DNAJC6: variants seen among roughly 807,000 people sequenced by gnomAD.
DNAJC6 encodes auxilin.
Under a neutral mutation model 110.0 loss-of-function variants are expected in DNAJC6, and 34 were observed. That is an observed-to-expected ratio of 0.31 (90% CI 0.24 to 0.41). The LOEUF is 0.41. Ranked by LOEUF, DNAJC6 falls within the 10% of genes least tolerant of loss-of-function variation. The probability of loss-of-function intolerance (pLI) is 1.00; values close to 1 mark genes in which losing one functional copy is unlikely to be tolerated. For missense variants in DNAJC6, 1,031 were observed against 1,207.8 expected, an observed-to-expected ratio of 0.85 and a Z score of 2.17; for synonymous variants, 406 against 437.2, an observed-to-expected ratio of 0.93 and a Z score of 0.89.
intron 11 of DNAJC6, 36 bp from the exon 12 acceptor site, chr1:65,392,395 G>T: frequency 7.9e-6 from 12 of 1,520,666 alleles, no homozygotes; most frequent in Non-Finnish European, 1.1e-5. Flanking sequence ...GCTGTGGTCA[G>T]CAACTAATCT....
chr1:65,318,160 T>C (rs764919684), intron 1 of DNAJC6, among the ~76,000 whole-genome samples: 2 of 152,126 alleles, frequency 1.3e-5, no homozygotes, highest in East Asian at 1.9e-4. Flanking sequence ...GGCTGACTTA[T>C]CTACTAGGCA....
At position 65,366,166 on chromosome 1, in the gene DNAJC6, G is replaced by A. The variant is rs148204207; in HGVS notation, c.513G>A (p.Lys171=). The A allele has an allele frequency of 1.7e-4, 277 of 1,613,608 alleles. No homozygotes were observed. In the African/African-American group the frequency reaches 3.4e-3, roughly 20 times the overall value. The change falls in exon 4 of 19, where the codon AAG becomes AAA. Residue 171 remains lysine, a synonymous_variant. Coordinates refer to ENST00000371069, the MANE Select transcript of DNAJC6 (RefSeq NM_001256864.2). ...DHYTVYNLSP[K]SYRTAKFHSR... ...ACACAGTATACAATCTGTCACCTAA[G>A]TCTTATCGAACTGCCAAGTTTCACA...
intron 13 of DNAJC6, among the ~76,000 whole-genome samples, chr1:65,397,393 A>C (rs910908661): frequency 6.6e-6 from 1 of 152,226 alleles, no homozygotes. Flanking sequence ...GAAGAGAATA[A>C]TCACTTGGGA....
intron 4 of DNAJC6, among the ~76,000 whole-genome samples, chr1:65,375,624 C>T (rs1388206769): frequency 2.0e-5 from 3 of 152,006 alleles, no homozygotes; most frequent in Non-Finnish European, 4.4e-5. Flanking sequence ...GACGGGATTT[C>T]ACTGTGTTAG....
chr1:65,311,215 GTTTTTTTTT>G (rs71056098), intron 1 of DNAJC6, among the ~76,000 whole-genome samples: 80 of 68,890 alleles, frequency 1.2e-3, no homozygotes, highest in Non-Finnish European at 1.4e-3. Context: ...TTTCAGGACT[GTTTTTTTTT>G]TTTTTTTTTT....
rs377533915 is a variant in DNAJC6, at chr1:65,364,711, C to T, written c.270C>T (p.Leu90=). Residue 90 remains leucine, a synonymous_variant, in exon 2 of 19, where the codon CTC becomes CTT. Coordinates refer to ENST00000371069, the MANE Select transcript of DNAJC6 (RefSeq NM_001256864.2). ...FDMVKGGAGR[L]FSNLKDNLKD... is the part of the protein sequence containing the mutation. ...TGGTAAAAGGAGGTGCAGGGAGGCT[C>T]TTTAGTAACCTAAAGGACAACTTGA... 13 of 1,612,182 alleles carry T rather than the reference C, an allele frequency of 8.1e-6. 1 individual carries two copies. The highest frequency in any genetic ancestry group is 2.2e-5 in the East Asian group (1 of 44,744).
chr1:65,409,829 ATCAAATCAACATACTTTTTTCC>A (rs1355506261), intron 17 of DNAJC6, among the ~76,000 whole-genome samples: 1 of 152,190 alleles, frequency 6.6e-6, no homozygotes, highest in African/African-American at 2.4e-5. Context: ...TTTTCCTCAA[ATCAAATCAACATACTTTTTTCC>A]TCAAATCAAC....
intron 18 of DNAJC6, among the ~76,000 whole-genome samples, chr1:65,412,686 G>C (rs1055487772): frequency 2.0e-5 from 3 of 152,116 alleles, no homozygotes; most frequent in African/African-American, 7.2e-5. Context: ...TGCCTGATAA[G>C]CTCTCTGTTG....
intron 1 of DNAJC6, among the ~76,000 whole-genome samples, chr1:65,319,327 A>C (rs923268799): frequency 2.0e-5 from 3 of 152,114 alleles, no homozygotes; most frequent in Non-Finnish European, 4.4e-5. Flanking sequence ...GGCTGTGCAG[A>C]TGCCCAGGGG....
At chr1:65,319,627 AT>A (rs150836205) in intron 1 of DNAJC6, among the ~76,000 whole-genome samples, 8,604 of 151,938 alleles carry the variant, frequency 0.057, 282 homozygotes, top group Non-Finnish European at 0.078. Flanking sequence ...TCTGGAAAAA[AT>A]AAAAAAAACA....
At chr1:65,408,500 A>G (rs1276459582) in intron 16 of DNAJC6, 141 bp from the exon 17 acceptor site, 2 of 868,988 alleles carry the variant, frequency 2.3e-6, no homozygotes, top group African/African-American at 3.4e-5. Context: ...CTCTTACCCT[A>G]CTCACAGGGT....
At chr1:65,345,142 T>C (rs1645425465) in intron 1 of DNAJC6, among the ~76,000 whole-genome samples, 1 of 152,090 alleles carries the variant, frequency 6.6e-6, no homozygotes, top group African/African-American at 2.4e-5. Context: ...TATAAGGTTA[T>C]ACAGCAAGTA....
At chr1:65,340,958 C>T (rs189156548) in intron 1 of DNAJC6, among the ~76,000 whole-genome samples, 31 of 152,302 alleles carry the variant, frequency 2.0e-4, no homozygotes, top group East Asian at 3.9e-4. Context: ...TATTCTGATG[C>T]GTAGCCTGGT....
chr1:65,385,666 C>T (rs1645864638), intron 6 of DNAJC6, 46 bp from the exon 7 acceptor site: 1 of 1,420,740 alleles, frequency 7.0e-7, no homozygotes, highest in African/African-American at 1.4e-5. Flanking sequence ...TTGCTTGCTT[C>T]TCCTGATGTG....
At chr1:65,347,924 T>C (rs1301249901) in intron 1 of DNAJC6, among the ~76,000 whole-genome samples, 1 of 152,186 alleles carries the variant, frequency 6.6e-6, no homozygotes, top group African/African-American at 2.4e-5. Flanking sequence ...GAGCTCCTAG[T>C]TTTTAGCATA....
intron 11 of DNAJC6, among the ~76,000 whole-genome samples, chr1:65,390,522 G>A (rs1016474863): frequency 6.4e-4 from 98 of 152,316 alleles, no homozygotes; most frequent in African/African-American, 2.0e-3. Flanking sequence ...GTAGCCTGAC[G>A]TTGGCATCCT....
chr1:65,355,627 C>T (rs1365857410), intron 1 of DNAJC6, among the ~76,000 whole-genome samples: 1 of 152,150 alleles, frequency 6.6e-6, no homozygotes, highest in Non-Finnish European at 1.5e-5. Context: ...TCTGAGTGAA[C>T]CTGAATATTA....
intron 11 of DNAJC6, among the ~76,000 whole-genome samples, chr1:65,392,141 C>A (rs1645933152): frequency 6.6e-6 from 1 of 152,176 alleles, no homozygotes; most frequent in Admixed American, 6.5e-5. Context: ...AGTAAAGTAA[C>A]TTGCCCAGTG....
intron 1 of DNAJC6, among the ~76,000 whole-genome samples, chr1:65,272,832 G>T (rs554944015): frequency 4.6e-5 from 7 of 152,160 alleles, no homozygotes; most frequent in Non-Finnish European, 2.9e-5. Context: ...GAGCCACTCT[G>T]CCTGGCTTCA....
Sources: allele counts gnomAD v4.1 joint callset (sites outside exome capture counted in the v4.1 genomes callset), GRCh38; gene constraint gnomAD v4.1.1; transcripts MANE v1.5; gene names NCBI Gene and HGNC (gene_info 2026-07-23, HGNC 2026-07-21).